Variants in SOCS4 observed in about 807,000 individuals in gnomAD.
SOCS4 encodes the protein suppressor of cytokine signaling 4.
SOCS4 carries 20 observed loss-of-function variants against 34.1 expected under a neutral mutation model. The ratio of observed to expected loss-of-function variants is 0.59; its 90% confidence interval spans 0.41 to 0.85. SOCS4 has a LOEUF of 0.85. SOCS4 is among the 40% of genes least tolerant of loss of function. The probability of loss-of-function intolerance (pLI) is 0.00; values close to 1 mark genes in which losing one functional copy is unlikely to be tolerated. For synonymous variants in SOCS4, 180 were observed against 186.4 expected (o/e 0.97, Z 0.28); for missense variants, 479 against 532.4 (o/e 0.90, Z 0.99).
rs1408035790 is a variant in SOCS4, at chr14:55,031,862, G to A, written c.-219-1G>A. 6.6e-6 allele frequency: 1 copy of A among 152,108 alleles called. No homozygotes were observed. The highest frequency in any genetic ancestry group is 2.1e-4 in the South Asian group (1 of 4,838). 9.4% of individuals were successfully genotyped at this position (152,108 alleles called of 1,614,324 possible). A position where few individuals can be genotyped will look rare whatever the true frequency, so the allele number is the denominator to read the frequency against. On this transcript the variant is annotated splice_acceptor_variant, in intron 1 of 2. Transcript: ENST00000555846. LOFTEE classifies it low-confidence loss of function (5UTR_SPLICE). ...TCAGATTTTTTTCTTAACATTCCAAGGAGTTCATCTGTTGTCTGCTCTCCA... is the reference window on the plus strand; with the variant it reads ...TCAGATTTTTTTCTTAACATTCCAAAGAGTTCATCTGTTGTCTGCTCTCCA...
chr14:55,029,728 A>G (rs1397608459), intron 1 of SOCS4, among the ~76,000 whole-genome samples: 1 of 152,158 alleles, frequency 6.6e-6, no homozygotes, highest in African/African-American at 2.4e-5. Context: ...CAAAGTATTG[A>G]AAAAAGAAAC....
chr14:55,027,975 C>T (rs1319539552), intron 1 of SOCS4, among the ~76,000 whole-genome samples: 1 of 152,180 alleles, frequency 6.6e-6, no homozygotes, highest in Non-Finnish European at 1.5e-5. Flanking sequence ...TAAGTTTATG[C>T]TTTTCTTGTA....
intron 2 of SOCS4, among the ~76,000 whole-genome samples, chr14:55,042,177 A>C (rs2140248423): frequency 6.6e-6 from 1 of 152,294 alleles, no homozygotes; most frequent in East Asian, 1.9e-4. Context: ...TCGGTATTTT[A>C]CATTGCAAAT....
rs1438400778 is a variant in SOCS4, at chr14:55,046,165, A to G, written c.*1801A>G. ...CAATGTCAGGATAAATATCTCTTCT[A>G]AAGACGATATTTACCTTTTACAAGG... On this transcript the variant is annotated 3_prime_UTR_variant, in exon 3 of 3. Coordinates refer to ENST00000555846, the MANE Select transcript of SOCS4 (RefSeq NM_199421.2). The G allele has an allele frequency of 6.0e-6, 1 of 166,774 alleles. No individual in the cohort carries two copies. Among genetic ancestry groups the G allele is most frequent in the South Asian group, 2.1e-4 (1 of 4,826 alleles). 10.3% of individuals were successfully genotyped at this position (166,774 alleles called of 1,614,324 possible).
In SOCS4 at chr14:55,048,914, AATATCTTTGTAGTGG is replaced by A. The variant is rs1364686468; in HGVS notation, c.*4553_*4567del. The A allele has an allele frequency of 6.0e-6, 1 of 167,040 alleles. No individual in the cohort carries two copies. Among genetic ancestry groups the A allele is most frequent in the Non-Finnish European group, 1.5e-5 (1 of 68,112 alleles). The allele number at this position is 167,040 out of a possible 1,614,324, so 10.3% of individuals were successfully genotyped here. A position where few individuals can be genotyped will look rare whatever the true frequency, so the allele number is the denominator to read the frequency against. On this transcript the variant is annotated 3_prime_UTR_variant, in exon 3 of 3. Transcript: ENST00000555846. ...TACTAACATGATGATAGGTTTTCAA[AATATCTTTGTAGTGG>A]ATGCTGCATAATTACATTCACTTCT...
At chr14:55,038,481 G>A (rs1173469638) in intron 2 of SOCS4, among the ~76,000 whole-genome samples, 1 of 152,050 alleles carries the variant, frequency 6.6e-6, no homozygotes, top group African/African-American at 2.4e-5. Context: ...TTTTCTCTTT[G>A]GCCATTCTCT....
rs1259745683 is a variant in SOCS4 at position 55,036,779 on chromosome 14, C to CTGTATTA, written c.-91+4789_-91+4795dup. ...CTAGTTAACCATTTTTTCCTATTTG[C>CTGTATTA]TGTATTAGTTCCTAAGCATACCCAC... On this transcript the variant is annotated intron_variant, in intron 2 of 2. Coordinates refer to ENST00000555846, the MANE Select transcript of SOCS4 (RefSeq NM_199421.2). 9.2e-5 allele frequency among the ~76,000 whole-genome samples: 14 copies of CTGTATTA among 152,008 alleles called. No individual in the cohort carries two copies. The East Asian group carries it at 2.5e-3, about 27-fold the overall frequency.
chr14:55,043,113 C>A lies in SOCS4; in HGVS notation c.72C>A (p.Ala24=), dbSNP rs754844559. 3.7e-6 allele frequency: 6 copies of A among 1,614,010 alleles called. No homozygotes were observed. In the South Asian group the frequency reaches 5.5e-5, roughly 15 times the overall value. The stretch of plus-strand genomic sequence containing the variant: ...CCAAAACTAGTCGGAGCAGAAGTGC[C>A]GACAGAAAAGACGGTTATGTGTGGA... The part of the protein sequence containing the change: ...VRPKTSRSRS[A]DRKDGYVWSG... The change falls in exon 3 of 3, where the codon GCC becomes GCA. Residue 24 remains alanine, a synonymous_variant. Transcript: ENST00000555846.
Position 55,048,186 on chromosome 14 carries a change from C to T in SOCS4, c.*3822C>T, listed in dbSNP as rs143772872. On this transcript the variant is annotated 3_prime_UTR_variant, in exon 3 of 3. Coordinates refer to ENST00000555846, the MANE Select transcript of SOCS4 (RefSeq NM_199421.2). ...CCACCCGCCTCAGCCTCCCAAAGTGCTGGGATTACAGGCATGAGCCACTGT... is the reference window on the plus strand; with the variant it reads ...CCACCCGCCTCAGCCTCCCAAAGTGTTGGGATTACAGGCATGAGCCACTGT... 9.6e-5 allele frequency: 16 copies of T among 167,012 alleles called. No homozygotes were observed. The Admixed American group carries it at 9.8e-4, about 10-fold the overall frequency. The allele number at this position is 167,012 out of a possible 1,614,324, so 10.3% of individuals were successfully genotyped here. A position where few individuals can be genotyped will look rare whatever the true frequency, so the allele number is the denominator to read the frequency against.
intron 2 of SOCS4, among the ~76,000 whole-genome samples, chr14:55,032,458 C>T (rs767382045): frequency 2.6e-5 from 4 of 151,906 alleles, no homozygotes; most frequent in African/African-American, 9.7e-5. Flanking sequence ...AATCTGGGTA[C>T]TTGTTTTCTT....
chr14:55,035,682 T>G (rs1360249241), intron 2 of SOCS4, among the ~76,000 whole-genome samples: 2 of 152,210 alleles, frequency 1.3e-5, no homozygotes, highest in Non-Finnish European at 2.9e-5. Context: ...ATTGAGTAAT[T>G]AATACATTTA....
rs1220750561 is a variant in SOCS4 at position 55,048,007 on chromosome 14, T to A, written c.*3643T>A. The A allele has an allele frequency of 6.0e-6, 1 of 165,460 alleles. No individual in the cohort carries two copies. The highest frequency in any genetic ancestry group is 2.4e-5 in the African/African-American group (1 of 41,482). The allele number at this position is 165,460 out of a possible 1,614,324, so 10.2% of individuals were successfully genotyped here. A position where few individuals can be genotyped will look rare whatever the true frequency, so the allele number is the denominator to read the frequency against. ...CGCAATCTCGGTTCACTGCAACCTC[T>A]GCCTTCCAGGTTCCAGCAATTCTCC... On this transcript the variant is annotated 3_prime_UTR_variant, in exon 3 of 3. Coordinates refer to ENST00000555846, the MANE Select transcript of SOCS4 (RefSeq NM_199421.2).
In SOCS4 at chr14:55,043,930, G is replaced by A. The variant is rs1566757155; in HGVS notation, c.889G>A (p.Glu297Lys). The A allele has an allele frequency of 6.8e-6, 11 of 1,614,112 alleles. No individual in the cohort carries two copies. The highest frequency in any genetic ancestry group is 9.3e-6 in the Non-Finnish European group (11 of 1,180,008). The change falls in exon 3 of 3, where the codon GAA (glutamate) becomes AAA (lysine). Residue 297 changes from glutamate (E) to lysine (K), a missense_variant. Coordinates refer to ENST00000555846, the MANE Select transcript of SOCS4 (RefSeq NM_199421.2). ...GGGAGTGATGGATAAATACGCAGCC[G>A]AAGCACTACTGGAAGGAAAACCAGA... Reference protein sequence around the residue: ...YWGVMDKYAAEALLEGKPEGT... With the variant: ...YWGVMDKYAAKALLEGKPEGT...
chr14:55,030,206 G>T (rs8015717), intron 1 of SOCS4, among the ~76,000 whole-genome samples: 1 of 152,044 alleles, frequency 6.6e-6, no homozygotes, highest in African/African-American at 2.4e-5. Context: ...TAATTTGTAC[G>T]TAAAACTTGT....
chr14:55,033,886 A>G (rs2042549621), intron 2 of SOCS4, among the ~76,000 whole-genome samples: 1 of 152,230 alleles, frequency 6.6e-6, no homozygotes, highest in Non-Finnish European at 1.5e-5. Context: ...TAATTCCAGC[A>G]CTTTGGGTGG....
At chr14:55,035,656 A>G (rs867752245) in intron 2 of SOCS4, among the ~76,000 whole-genome samples, 2 of 152,230 alleles carry the variant, frequency 1.3e-5, no homozygotes, top group African/African-American at 4.8e-5. Context: ...AAATATGAAC[A>G]TATATGTTAA....
intron 1 of SOCS4, among the ~76,000 whole-genome samples, chr14:55,031,303 C>T (rs887885998): frequency 2.0e-5 from 3 of 152,166 alleles, no homozygotes; most frequent in Admixed American, 6.5e-5. Context: ...TTATCTTTAG[C>T]TAATAAGCTT....
At position 55,043,041 on chromosome 14, in the gene SOCS4, C is replaced by A. The variant is rs762718372; in HGVS notation, c.-1C>A. 3.1e-6 allele frequency: 5 copies of A among 1,596,650 alleles called. No individual in the cohort carries two copies. The highest frequency in any genetic ancestry group is 4.3e-6 in the Non-Finnish European group (5 of 1,171,342). On this transcript the variant is annotated 5_prime_UTR_variant, in exon 3 of 3. Coordinates refer to ENST00000555846, the MANE Select transcript of SOCS4 (RefSeq NM_199421.2). The stretch of plus-strand genomic sequence containing the variant: ...CATTAGAATCTGGATAATTTGTTAA[C>A]ATGGCAGAAAATAATGAAAATATTA...
chr14:55,027,330 GAAA>G lies in SOCS4; in HGVS notation c.-359_-357del. On this transcript the variant is annotated 5_prime_UTR_variant, in exon 1 of 3. Coordinates refer to ENST00000555846, the MANE Select transcript of SOCS4 (RefSeq NM_199421.2). ...CGCCGAAGCGGGGTTGGGGGTGGCAGAAAAGCATCTGCTTTGTAAGACCTACAC... is the reference window on the plus strand; with the variant it reads ...CGCCGAAGCGGGGTTGGGGGTGGCAGAGCATCTGCTTTGTAAGACCTACAC... The G allele has an allele frequency of 6.2e-5, 11 of 177,336 alleles. No homozygotes were observed. The highest frequency in any genetic ancestry group is 3.9e-4 in the South Asian group (3 of 7,718). 11.0% of individuals were successfully genotyped at this position (177,336 alleles called of 1,614,324 possible). A position where few individuals can be genotyped will look rare whatever the true frequency, so the allele number is the denominator to read the frequency against.
Sources: allele counts gnomAD v4.1 joint callset (sites outside exome capture counted in the v4.1 genomes callset), GRCh38; gene constraint gnomAD v4.1.1; transcripts MANE v1.5; gene names NCBI Gene and HGNC (gene_info 2026-07-23, HGNC 2026-07-21).